ABCC12: variants seen among roughly 807,000 people sequenced by gnomAD.
ABCC12 encodes ATP binding cassette subfamily C member 12.
ABCC12 carries 142 observed loss-of-function variants against 151.1 expected under a neutral mutation model. The observed-to-expected ratio is 0.94, with a 90% confidence interval of 0.82 to 1.08. The LOEUF (loss-of-function observed/expected upper bound fraction) is 1.08, where lower values mean the gene tolerates loss of function less well. ABCC12 is among the 50% of genes least tolerant of loss of function. ABCC12 has a pLI of 0.00. For missense variants in ABCC12, 1,638 were observed against 1,691.1 expected (o/e 0.97, Z 0.55); for synonymous variants, 645 against 646.4 (o/e 1.00, Z 0.03).
chr16:48,092,707 G>A (rs1962950760), intron 24 of ABCC12, among the ~76,000 whole-genome samples: 1 of 152,168 alleles, frequency 6.6e-6, no homozygotes, highest in Non-Finnish European at 1.5e-5. Context: ...GGCAGGGATG[G>A]TGCACAAGGC....
intron 3 of ABCC12, among the ~76,000 whole-genome samples, chr16:48,146,073 C>G (rs1333887610): frequency 7.0e-6 from 1 of 142,870 alleles, no homozygotes; most frequent in Non-Finnish European, 1.5e-5. Flanking sequence ...TTGGACAGGT[C>G]TGGATCATGG....
intron 24 of ABCC12, among the ~76,000 whole-genome samples, chr16:48,092,913 G>A (rs988966694): frequency 2.6e-5 from 4 of 152,184 alleles, no homozygotes; most frequent in African/African-American, 9.6e-5. Context: ...GAGGCAGGGG[G>A]TGCGAGCAGG....
intron 4 of ABCC12, among the ~76,000 whole-genome samples, chr16:48,143,552 C>A (rs977244968): frequency 1.3e-5 from 2 of 152,208 alleles, no homozygotes; most frequent in Non-Finnish European, 1.5e-5. Context: ...TGTGTCCCCA[C>A]CCAAATCTCA....
In ABCC12 at chr16:48,086,518, G is replaced by A. The variant is rs565900729; in HGVS notation, c.3714+223C>T. ...CAGAGCATTGTAGTAAGGACCAAGT[G>A]AGATGATACATGTAGTGCTCTTGAC... On this transcript the variant is annotated intron_variant, in intron 28 of 30. Coordinates refer to ENST00000311303, the MANE Select transcript of ABCC12 (RefSeq NM_001393797.1). 7.7e-5 allele frequency: 39 copies of A among 507,358 alleles called. No homozygotes were observed. The East Asian group carries it at 1.2e-3, about 16-fold the overall frequency. The allele number at this position is 507,358 out of a possible 1,614,324, so 31.4% of individuals were successfully genotyped here.
At chr16:48,093,472 T>C (rs1373731186) in intron 24 of ABCC12, among the ~76,000 whole-genome samples, 2 of 152,310 alleles carry the variant, frequency 1.3e-5, no homozygotes, top group Non-Finnish European at 2.9e-5. Flanking sequence ...CTGGCTGTTG[T>C]ATGAAATGCT....
intron 13 of ABCC12, 50 bp from the exon 14 acceptor site, chr16:48,117,383 T>G: frequency 6.3e-7 from 1 of 1,594,724 alleles, no homozygotes; most frequent in Non-Finnish European, 8.6e-7. Context: ...CCCCAAGCAC[T>G]GCTGCCCTGG....
At chr16:48,102,031 G>A (rs1038780594) in intron 22 of ABCC12, among the ~76,000 whole-genome samples, 2 of 152,262 alleles carry the variant, frequency 1.3e-5, no homozygotes, top group Middle Eastern at 3.4e-3. Context: ...GCCAATTCAC[G>A]CTGACTTCCT....
intron 13 of ABCC12, among the ~76,000 whole-genome samples, chr16:48,120,586 C>T (rs1251622915): frequency 1.4e-5 from 2 of 148,094 alleles, no homozygotes; most frequent in Non-Finnish European, 3.0e-5. Context: ...GAAGGAGTCT[C>T]GCTCTTTTGC....
At position 48,121,751 on chromosome 16, in the gene ABCC12, T is replaced by G. The variant is rs1964076549; in HGVS notation, c.1677A>C (p.Glu559Asp). The part of the protein sequence containing the change: ...QAWIFHGNVR[E>D]NILFGEKYDH... ...CATACTTTTCTCCAAAGAGTATGTT[T>G]TCTCTCACATTTCCATGAAAGATCC... is the stretch of plus-strand genomic sequence containing the variant. Residue 559 changes from glutamate (E) to aspartate (D), a missense_variant, in exon 13 of 31, where the codon GAA (glutamate) becomes GAC (aspartate). Glu to Asp is a conservative substitution (Grantham distance 45, BLOSUM62 2). Transcript: ENST00000311303. The G allele has an allele frequency of 6.2e-7, 1 of 1,614,242 alleles. No individual in the cohort carries two copies. Among genetic ancestry groups the G allele is most frequent in the African/African-American group, 1.3e-5 (1 of 75,072 alleles).
Position 48,082,296 on chromosome 16 carries a change from G to T in ABCC12, c.*1419C>A, listed in dbSNP as rs1000466104. ...ATAAGCTCTACCTAAGGCCAGGTGT[G>T]CTCACCTCCCCGCTGGTTGGGTAGA... is the stretch of plus-strand genomic sequence containing the variant. On this transcript the variant is annotated 3_prime_UTR_variant, in exon 31 of 31. Coordinates refer to ENST00000311303, the MANE Select transcript of ABCC12 (RefSeq NM_001393797.1). 6.6e-6 allele frequency among the ~76,000 whole-genome samples: 1 copy of T among 152,212 alleles called. No homozygotes were observed. The highest frequency in any genetic ancestry group is 2.4e-5 in the African/African-American group (1 of 41,452).
At chr16:48,100,317 A>G (rs1214498175) in intron 23 of ABCC12, among the ~76,000 whole-genome samples, 1 of 152,174 alleles carries the variant, frequency 6.6e-6, no homozygotes, top group East Asian at 1.9e-4. Context: ...TGCCAGAGAG[A>G]TTTACTAATG....
intron 15 of ABCC12, 145 bp from the exon 16 acceptor site, chr16:48,112,055 T>G: frequency 9.6e-7 from 1 of 1,046,490 alleles, no homozygotes; most frequent in Non-Finnish European, 1.3e-6. Flanking sequence ...TTGTAGGATA[T>G]TTACCACCCT....
At chr16:48,140,406 C>T (rs1964763419) in intron 6 of ABCC12, among the ~76,000 whole-genome samples, 1 of 152,128 alleles carries the variant, frequency 6.6e-6, no homozygotes, top group Non-Finnish European at 1.5e-5. Context: ...CCACAGTCCC[C>T]ACTGACCATC....
At chr16:48,110,391 G>A (rs1482732756) in intron 18 of ABCC12, among the ~76,000 whole-genome samples, 1 of 151,998 alleles carries the variant, frequency 6.6e-6, no homozygotes, top group African/African-American at 2.4e-5. Flanking sequence ...TTGATGAAAT[G>A]TGCGAAGTTT....
intron 24 of ABCC12, among the ~76,000 whole-genome samples, chr16:48,093,157 G>A (rs192078147): frequency 3.3e-5 from 5 of 152,088 alleles, no homozygotes; most frequent in South Asian, 4.1e-4. Context: ...ATCCTACCAC[G>A]CACAGAACAG....
intron 24 of ABCC12, among the ~76,000 whole-genome samples, chr16:48,094,493 G>C (rs1963020934): frequency 6.6e-6 from 1 of 152,164 alleles, no homozygotes; most frequent in Admixed American, 6.5e-5. Flanking sequence ...GGTGTGAGAA[G>C]GGGGCCCACA....
intron 3 of ABCC12, among the ~76,000 whole-genome samples, chr16:48,145,464 A>G (rs964966863): frequency 6.6e-6 from 1 of 152,182 alleles, no homozygotes; most frequent in Non-Finnish European, 1.5e-5. Context: ...TTCTCTCCCC[A>G]TCTGTTCCCA....
intron 13 of ABCC12, among the ~76,000 whole-genome samples, chr16:48,120,446 AC>A (rs1964026955): frequency 6.6e-6 from 1 of 152,138 alleles, no homozygotes; most frequent in South Asian, 2.1e-4. Context: ...ACAAAACTGT[AC>A]CCCCTGAATC....
chr16:48,128,832 G>A (rs747392331), intron 10 of ABCC12, 95 bp from the exon 11 acceptor site: 4 of 1,435,860 alleles, frequency 2.8e-6, no homozygotes, highest in Non-Finnish European at 3.8e-6. Context: ...CACAATTTTG[G>A]CTATTCTAAC....
Sources: allele counts gnomAD v4.1 joint callset (sites outside exome capture counted in the v4.1 genomes callset), GRCh38; gene constraint gnomAD v4.1.1; transcripts MANE v1.5; gene names NCBI Gene and HGNC (gene_info 2026-07-23, HGNC 2026-07-21).